DSCAML1: variants seen among roughly 807,000 people sequenced by gnomAD.
The protein encoded by DSCAML1 is cell adhesion molecule DSCAML1.
DSCAML1 carries 38 observed loss-of-function variants against 200.5 expected under a neutral mutation model. That is an observed-to-expected ratio of 0.19 (90% CI 0.15 to 0.25). The LOEUF is 0.25. Ranked by LOEUF, DSCAML1 falls within the 10% of genes least tolerant of loss-of-function variation. The pLI is 1.00. For synonymous variants in DSCAML1, 1,215 were observed against 1,165.0 expected, an observed-to-expected ratio of 1.04 and a Z score of -0.87; for missense variants, 2,223 against 2,858.8, an observed-to-expected ratio of 0.78 and a Z score of 5.07.
intron 1 of DSCAML1, among the ~76,000 whole-genome samples, chr11:117,806,076 C>T (rs1227842562): frequency 1.3e-5 from 2 of 152,206 alleles, no homozygotes; most frequent in Non-Finnish European, 1.5e-5. Context: ...CCACCTTGTT[C>T]ACCACTCCAT....
At chr11:117,454,598 C>G (rs1326920605) in intron 19 of DSCAML1, among the ~76,000 whole-genome samples, 1 of 152,208 alleles carries the variant, frequency 6.6e-6, no homozygotes. Context: ...CTTTGTGGGT[C>G]TGTTGCTCTT....
chr11:117,617,951 A>G (rs2051846550), intron 3 of DSCAML1, among the ~76,000 whole-genome samples: 1 of 152,164 alleles, frequency 6.6e-6, no homozygotes, highest in African/African-American at 2.4e-5. Context: ...ATGCAGGACA[A>G]CACCACCTGA....
intron 3 of DSCAML1, among the ~76,000 whole-genome samples, chr11:117,581,561 T>C (rs1043303924): frequency 6.6e-6 from 1 of 152,234 alleles, no homozygotes; most frequent in African/African-American, 2.4e-5. Context: ...TGAGTAGCCA[T>C]TCAAGTCTGG....
In DSCAML1 at chr11:117,430,720, A is replaced by G. The variant is rs2047770067; in HGVS notation, c.5686+2T>C. On this transcript the variant is annotated splice_donor_variant, in intron 32 of 32. Coordinates refer to ENST00000651296, the MANE Select transcript of DSCAML1 (RefSeq NM_020693.4). LOFTEE classifies it high-confidence loss of function. ...TGCCTGGGAGGTGGTCTGAGCACTC[A>G]CTCTTGTTGGCCCGGTGAGGGATGG... The G allele has an allele frequency of 6.2e-7, 1 of 1,608,102 alleles. No individual in the cohort carries two copies. Among genetic ancestry groups the G allele is most frequent in the Non-Finnish European group, 8.5e-7 (1 of 1,177,064 alleles).
chr11:117,786,189 G>C (rs1307890215), intron 1 of DSCAML1, among the ~76,000 whole-genome samples: 1 of 152,194 alleles, frequency 6.6e-6, no homozygotes, highest in Non-Finnish European at 1.5e-5. Flanking sequence ...GAGACACTCA[G>C]ATCAACAGCA....
chr11:117,504,296 G>C lies in DSCAML1; in HGVS notation c.2183-275C>G, dbSNP rs556892887. ...TTTGACACTGGCATGGAGCTTCTTT[G>C]GGGTAAATTCCTTGGAGAGGAAGAA... On this transcript the variant is annotated intron_variant, in intron 10 of 32. Transcript: ENST00000651296. The surrounding 1 kb of genome is among the most constrained non-coding windows in gnomAD (Gnocchi z 5.0). Among the ~76,000 whole-genome samples the C allele has an allele frequency of 1.3e-5, 2 of 152,322 alleles. No homozygotes were observed. The highest frequency in any genetic ancestry group is 4.8e-5 in the African/African-American group (2 of 41,570).
intron 14 of DSCAML1, among the ~76,000 whole-genome samples, chr11:117,476,108 T>C (rs544860565): frequency 1.3e-5 from 2 of 152,230 alleles, no homozygotes; most frequent in African/African-American, 4.8e-5. Flanking sequence ...GATTAACATA[T>C]TTCATTAAGG....
chr11:117,736,677 C>T (rs2054321418), intron 3 of DSCAML1, among the ~76,000 whole-genome samples: 1 of 152,226 alleles, frequency 6.6e-6, no homozygotes, highest in African/African-American at 2.4e-5. Context: ...CAGCTCCTCC[C>T]TGATCCCCTT....
chr11:117,458,004 G>C (rs1369512341), intron 19 of DSCAML1, among the ~76,000 whole-genome samples: 1 of 152,228 alleles, frequency 6.6e-6, no homozygotes, highest in Non-Finnish European at 1.5e-5. Context: ...GCTGGTACTG[G>C]GAGGGGAAGA....
At chr11:117,774,375 G>T (rs2055092677) in intron 3 of DSCAML1, among the ~76,000 whole-genome samples, 1 of 152,206 alleles carries the variant, frequency 6.6e-6, no homozygotes, top group Admixed American at 6.5e-5. Context: ...AAGCGCAAAT[G>T]CTCTCTTCCA....
chr11:117,517,248 C>T (rs894327101), intron 7 of DSCAML1, among the ~76,000 whole-genome samples: 23 of 152,296 alleles, frequency 1.5e-4, no homozygotes, highest in African/African-American at 4.3e-4. Flanking sequence ...TGATGACTTT[C>T]GTTCAACAAG....
At chr11:117,661,589 T>C (rs991803907) in intron 3 of DSCAML1, among the ~76,000 whole-genome samples, 4 of 152,168 alleles carry the variant, frequency 2.6e-5, no homozygotes, top group African/African-American at 9.7e-5. Flanking sequence ...CAGTCCCAAA[T>C]GCCACTGCTT....
At chr11:117,509,199 G>C (rs1329217629) in intron 8 of DSCAML1, among the ~76,000 whole-genome samples, 1 of 152,092 alleles carries the variant, frequency 6.6e-6, no homozygotes, top group Non-Finnish European at 1.5e-5. Flanking sequence ...GGCTGGGGGT[G>C]ACTGCAGCTT....
At chr11:117,657,473 A>T (rs2052758196) in intron 3 of DSCAML1, among the ~76,000 whole-genome samples, 1 of 152,200 alleles carries the variant, frequency 6.6e-6, no homozygotes, top group Non-Finnish European at 1.5e-5. Context: ...TCCTGCCACA[A>T]GTCCTTTTGT....
intron 3 of DSCAML1, among the ~76,000 whole-genome samples, chr11:117,722,360 A>C (rs2054055163): frequency 1.3e-5 from 2 of 151,808 alleles, no homozygotes; most frequent in Non-Finnish European, 2.9e-5. Context: ...AACTGTGGTT[A>C]TTAGAGGCTG....
At position 117,438,051 on chromosome 11, in the gene DSCAML1, C is replaced by T. The variant is rs140883925; in HGVS notation, c.4276G>A (p.Glu1426Lys). 150 of 1,613,760 alleles carry T rather than the reference C, an allele frequency of 9.3e-5. 1 individual carries two copies. Among genetic ancestry groups the T allele is most frequent in the South Asian group, 1.2e-4 (11 of 91,044 alleles). ...FVLQYSVDNS[E>K]EWKDVFISSS... ...CTGATGAACACATCCTTCCACTCCT[C>T]GCTGTTGTCCACCGAGTACTGTAGC... is the stretch of plus-strand genomic sequence containing the variant. The change falls in exon 25 of 33, where the codon GAG becomes AAG. Residue 1426 changes from glutamate to lysine, a missense_variant. This residue lies in a region of DSCAML1 where 614 missense variants were observed against 739.1 expected (regional missense o/e 0.83). Transcript: ENST00000651296.
At chr11:117,450,150 A>G (rs1208511393) in intron 20 of DSCAML1, among the ~76,000 whole-genome samples, 1 of 152,166 alleles carries the variant, frequency 6.6e-6, no homozygotes, top group Non-Finnish European at 1.5e-5. Flanking sequence ...CAGAGCTCCA[A>G]CAGCACCTCC....
intron 3 of DSCAML1, among the ~76,000 whole-genome samples, chr11:117,681,614 G>C (rs2053314364): frequency 6.6e-6 from 1 of 152,188 alleles, no homozygotes. Flanking sequence ...AGAGATGGCT[G>C]CTTGGAGACT....
intron 16 of DSCAML1, among the ~76,000 whole-genome samples, chr11:117,468,729 C>G (rs2048630857): frequency 6.6e-6 from 1 of 152,166 alleles, no homozygotes; most frequent in African/African-American, 2.4e-5. Context: ...CTTGGTCATG[C>G]CTCTGGGAGG....
Sources: allele counts gnomAD v4.1 joint callset (sites outside exome capture counted in the v4.1 genomes callset), GRCh38; gene constraint gnomAD v4.1.1; regional missense constraint gnomAD v4.1.1; non-coding constraint Gnocchi (gnomAD v3.1); transcripts MANE v1.5; gene names NCBI Gene and HGNC (gene_info 2026-07-23, HGNC 2026-07-21).